The following LRCH2 variants were observed in gnomAD, a reference collection of about 807,000 sequenced individuals.
The protein encoded by LRCH2 is leucine-rich repeat and calponin homology domain-containing protein 2.
LRCH2 carries 38 observed loss-of-function variants against 68.9 expected under a neutral mutation model. That is an observed-to-expected ratio of 0.55 (90% CI 0.43 to 0.72). LRCH2 has a LOEUF of 0.72. Ranked by LOEUF, LRCH2 falls within the 30% of genes least tolerant of loss-of-function variation. The pLI is 0.00. For synonymous variants in LRCH2, 191 were observed against 208.1 expected (o/e 0.92, Z 0.71); for missense variants, 528 against 572.9 (o/e 0.92, Z 0.80).
At chrX:115,125,642 T>C (rs868959805) in intron 16 of LRCH2, among the ~76,000 whole-genome samples, 7 of 90,456 alleles carry the variant, frequency 7.7e-5, no homozygotes. Context: ...TATATATACA[T>C]ATATATATAC....
At chrX:115,148,094 T>C (rs2072402584) in intron 14 of LRCH2, among the ~76,000 whole-genome samples, 1 of 111,364 alleles carries the variant, frequency 9.0e-6, no homozygotes, top group South Asian at 3.7e-4. Context: ...TAAAAACCAG[T>C]AAAACTGTGT....
At chrX:115,114,116 C>T (rs2072063404) in intron 20 of LRCH2, among the ~76,000 whole-genome samples, 1 of 111,399 alleles carries the variant, frequency 9.0e-6, no homozygotes, top group Admixed American at 9.6e-5. Flanking sequence ...ATCAATGTGT[C>T]CACAACAGAA....
chrX:115,224,042 C>T (rs1171947675), intron 1 of LRCH2, among the ~76,000 whole-genome samples: 1 of 111,659 alleles, frequency 9.0e-6, no homozygotes, highest in African/African-American at 3.3e-5. Context: ...AATTGGAATT[C>T]TCATAATACT....
chrX:115,185,601 A>C (rs1373805787), intron 2 of LRCH2, among the ~76,000 whole-genome samples: 1 of 89,019 alleles, frequency 1.1e-5, no homozygotes, highest in Non-Finnish European at 2.2e-5. Context: ...ACACAGCAAC[A>C]AAAGTCCAGT....
chrX:115,113,079 A>C lies in LRCH2; in HGVS notation c.*137T>G. Reference sequence around the variant, plus strand: ...ATTCAATGTTTAAGTTTGATGTTTCAATGTAATTTTTTTAAAATCCTAAGG... The same window carrying C: ...ATTCAATGTTTAAGTTTGATGTTTCCATGTAATTTTTTTAAAATCCTAAGG... On this transcript the variant is annotated 3_prime_UTR_variant, in exon 21 of 21. Transcript: ENST00000317135. The C allele has an allele frequency of 2.0e-6, 1 of 489,445 alleles. No homozygotes were observed. Among genetic ancestry groups the C allele is most frequent in the Non-Finnish European group, 3.0e-6 (1 of 330,631 alleles). The allele number at this position is 489,445 out of a possible 1,213,427, so 40.3% of individuals were successfully genotyped here.
chrX:115,170,518 A>T, intron 5 of LRCH2, 86 bp from the exon 6 acceptor site: 1 of 786,750 alleles, frequency 1.3e-6, no homozygotes, highest in Non-Finnish European at 1.7e-6. Flanking sequence ...GTCTCAAATT[A>T]CATTGAGACA....
chrX:115,151,995 A>C lies in LRCH2; in HGVS notation c.1530-1925T>G, dbSNP rs782554721. On this transcript the variant is annotated intron_variant, in intron 12 of 20. Transcript: ENST00000317135. The stretch of plus-strand genomic sequence containing the variant: ...AAAGAGATCTACAGAGGCATCCCTC[A>C]AATTTTCATCTGAGCGTACTGATCA... Among the ~76,000 whole-genome samples the C allele has an allele frequency of 1.3e-4, 14 of 111,603 alleles. No individual in the cohort carries two copies. The South Asian group carries it at 5.4e-3, about 43-fold the overall frequency.
At chrX:115,185,521 G>A (rs1007955988) in intron 2 of LRCH2, among the ~76,000 whole-genome samples, 4 of 111,625 alleles carry the variant, frequency 3.6e-5, no homozygotes, top group African/African-American at 1.3e-4. Flanking sequence ...ACTGGTAAGC[G>A]ATAAGCTATT....
At chrX:115,157,176 G>T (rs1339766113) in intron 11 of LRCH2, among the ~76,000 whole-genome samples, 1 of 110,685 alleles carries the variant, frequency 9.0e-6, no homozygotes, top group Non-Finnish European at 1.9e-5. Flanking sequence ...GAAAGAAAAT[G>T]ATGAACCATT....
chrX:115,231,997 T>C (rs2073155682), intron 1 of LRCH2, among the ~76,000 whole-genome samples: 1 of 111,352 alleles, frequency 9.0e-6, no homozygotes, highest in Non-Finnish European at 1.9e-5. Flanking sequence ...TAAAATTAAA[T>C]AGACGGAGAA....
rs1361175020 is a variant in LRCH2, at chrX:115,125,249, A to C, written c.1792-1247T>G. ...TGGTGAAACCCTGTCTCTACTAAAA[A>C]TACAAAAATTAGCCAGGTGTGGTGG... On this transcript the variant is annotated intron_variant, in intron 16 of 20. Transcript: ENST00000317135. Among the ~76,000 whole-genome samples, 4 of 106,469 alleles carry C rather than the reference A, an allele frequency of 3.8e-5. No homozygotes were observed. In the East Asian group the frequency reaches 1.2e-3, roughly 32 times the overall value. 92.5% of individuals were successfully genotyped at this position (106,469 alleles called of 115,157 possible). A position where few individuals can be genotyped will look rare whatever the true frequency, so the allele number is the denominator to read the frequency against.
chrX:115,161,820 C>T (rs1378195634), intron 11 of LRCH2, among the ~76,000 whole-genome samples: 1 of 110,204 alleles, frequency 9.1e-6, no homozygotes, highest in Non-Finnish European at 1.9e-5. Flanking sequence ...AACTAATATG[C>T]TAATAAGAAA....
At chrX:115,189,550 G>A (rs1421233170) in intron 1 of LRCH2, 9 of 1,176,477 alleles carry the variant, frequency 7.6e-6, no homozygotes, top group Non-Finnish European at 1.0e-5. Context: ...CATCATCAAG[G>A]TGTTCCTGAT....
At chrX:115,191,695 A>G in intron 1 of LRCH2, 1 of 1,163,548 alleles carries the variant, frequency 8.6e-7, no homozygotes, top group Non-Finnish European at 1.1e-6. Flanking sequence ...CGATGCCAAC[A>G]GCAGTGGCCG....
chrX:115,221,270 T>TA (rs1246470839), intron 1 of LRCH2, among the ~76,000 whole-genome samples: 1 of 101,478 alleles, frequency 9.9e-6, no homozygotes, highest in Admixed American at 1.1e-4. Flanking sequence ...TCCAAACTGT[T>TA]AAAGTTTAAT....
In LRCH2 at chrX:115,165,622, G is replaced by A. The variant is rs782450582; in HGVS notation, c.1232C>T (p.Thr411Ile). Residue 411 changes from threonine to isoleucine, a missense_variant, in exon 9 of 21, where the codon ACA becomes ATA. Physicochemically the swap from Thr to Ile is moderately conservative, Grantham distance 89. Coordinates refer to ENST00000317135, the MANE Select transcript of LRCH2 (RefSeq NM_020871.4). ...CTGTTCAGGAACTGCTACATCTTCT[G>A]TGTTGGGGTCAACAAAATCATATAC... ...QEVYDFVDPN[T>I]EDVAVPEQGN... 1 of 1,167,224 alleles carries A rather than the reference G, an allele frequency of 8.6e-7. No homozygotes were observed. Among genetic ancestry groups the A allele is most frequent in the South Asian group, 1.9e-5 (1 of 52,175 alleles).
intron 1 of LRCH2, among the ~76,000 whole-genome samples, chrX:115,193,967 C>T (rs184603724): frequency 2.5e-3 from 276 of 111,384 alleles, no homozygotes; most frequent in African/African-American, 8.2e-3. Flanking sequence ...GAAGAGCATC[C>T]AGCCTAGCTC....
At chrX:115,172,424 A>G (rs1455679779) in intron 5 of LRCH2, among the ~76,000 whole-genome samples, 1 of 112,104 alleles carries the variant, frequency 8.9e-6, no homozygotes, top group East Asian at 2.8e-4. Context: ...ATGAGTTAAT[A>G]TATGTAAAGC....
intron 12 of LRCH2, among the ~76,000 whole-genome samples, chrX:115,152,128 C>A (rs1556538490): frequency 3.6e-5 from 4 of 111,460 alleles, no homozygotes; most frequent in African/African-American, 1.3e-4. Flanking sequence ...AGTACCAGTT[C>A]CCACCAGCTA....
Sources: gnomAD v4.1 joint callset for allele counts (sites outside exome capture counted in the v4.1 genomes callset) on GRCh38, gnomAD v4.1.1 for gene constraint, MANE v1.5 for transcripts, NCBI Gene and HGNC (gene_info 2026-07-23, HGNC 2026-07-21) for gene names.